Variants in PHF12 observed in about 807,000 individuals in gnomAD.
PHF12 encodes PHD factor 1.
Under a neutral mutation model 99.8 loss-of-function variants are expected in PHF12, and 6 were observed. The ratio of observed to expected loss-of-function variants is 0.06; its 90% CI spans 0.03 to 0.12. The LOEUF (loss-of-function observed/expected upper bound fraction) is 0.12. Ranked by LOEUF, PHF12 falls within the 10% of genes least tolerant of loss-of-function variation. PHF12 has a pLI of 1.00. For synonymous variants in PHF12, 480 were observed against 514.9 expected, an observed-to-expected ratio of 0.93 and a Z score of 0.92; for missense variants, 954 against 1,300.1, an observed-to-expected ratio of 0.73 and a Z score of 4.09.
Position 28,921,942 on chromosome 17 carries a change from C to T in PHF12, c.716-134G>A. The T allele has an allele frequency of 4.1e-6, 5 of 1,209,510 alleles. No individual in the cohort carries two copies. In the South Asian group the frequency reaches 8.3e-5, roughly 20 times the overall value. 74.9% of individuals were successfully genotyped at this position (1,209,510 alleles called of 1,614,324 possible). On this transcript the variant is annotated intron_variant, in intron 4 of 14. Coordinates refer to ENST00000332830, the MANE Select transcript of PHF12 (RefSeq NM_001033561.2). ...CCTAAGCATGAATTGCTCTCTGAGG[C>T]CCCTGGGGTTGATTTTAAGTTAGAA...
chr17:28,950,420 A>T lies in PHF12; in HGVS notation c.67-174T>A. ...CCGGAACCAGGGGGAGCCCACCCTAACCGCGTTCCTGCAGCACAACAACGA... is the reference window on the plus strand; with the variant it reads ...CCGGAACCAGGGGGAGCCCACCCTATCCGCGTTCCTGCAGCACAACAACGA... On this transcript the variant is annotated intron_variant, in intron 1 of 14. Transcript: ENST00000332830. This position sits in a 1 kb window ranked among gnomAD's most constrained non-coding sequence, Gnocchi z 5.7. 1 of 631,418 alleles carries T rather than the reference A, an allele frequency of 1.6e-6. No individual in the cohort carries two copies. The highest frequency in any genetic ancestry group is 2.9e-5 in the East Asian group (1 of 34,196). The allele number at this position is 631,418 out of a possible 1,614,324, so 39.1% of individuals were successfully genotyped here. A position where few individuals can be genotyped will look rare whatever the true frequency, so the allele number is the denominator to read the frequency against.
At chr17:28,914,779 G>T (rs2040033871) in intron 7 of PHF12, among the ~76,000 whole-genome samples, 1 of 146,684 alleles carries the variant, frequency 6.8e-6, no homozygotes. Flanking sequence ...CATGACTCAT[G>T]AAACAACTAA....
chr17:28,906,771 G>A lies in PHF12; in HGVS notation c.2680+85C>T. The A allele has an allele frequency of 2.0e-6, 3 of 1,503,858 alleles. No individual in the cohort carries two copies. The South Asian group carries it at 3.9e-5, about 19-fold the overall frequency. The allele number at this position is 1,503,858 out of a possible 1,614,324, so 93.2% of individuals were successfully genotyped here. A position where few individuals can be genotyped will look rare whatever the true frequency, so the allele number is the denominator to read the frequency against. On this transcript the variant is annotated intron_variant, in intron 14 of 14. Transcript: ENST00000332830. The surrounding 1 kb of genome is among the most constrained non-coding windows in gnomAD (Gnocchi z 4.2). ...GAGCTTGGCCAATAGGACTGGGAAG[G>A]CAAGAGACAGACCATGGGCAGCAAG...
intron 2 of PHF12, among the ~76,000 whole-genome samples, chr17:28,937,573 AC>A (rs1286748690): frequency 6.6e-6 from 1 of 152,196 alleles, no homozygotes; most frequent in Non-Finnish European, 1.5e-5. Flanking sequence ...ATCCTTTTAA[AC>A]TGGCTGACTG....
intron 2 of PHF12, among the ~76,000 whole-genome samples, chr17:28,945,600 A>G (rs2040707265): frequency 6.6e-6 from 1 of 152,200 alleles, no homozygotes; most frequent in South Asian, 2.1e-4. Context: ...TAAGAAGGTA[A>G]TCACAGGAAA....
Position 28,921,899 on chromosome 17 carries a change from CT to C in PHF12, c.716-92del, listed in dbSNP as rs1383466762. On this transcript the variant is annotated intron_variant, in intron 4 of 14. Transcript: ENST00000332830. ...ACAACATTAAGTGACAAAAACAGAT[CT>C]TAAGCATGTGTCATGGCCTAAGCAT... 31 of 1,554,038 alleles carry C rather than the reference CT, an allele frequency of 2.0e-5. No homozygotes were observed. In the African/African-American group the frequency reaches 4.1e-4, roughly 21 times the overall value.
At chr17:28,907,076 G>T in intron 13 of PHF12, 82 bp from the exon 14 acceptor site, 1 of 1,460,648 alleles carries the variant, frequency 6.8e-7, no homozygotes, top group Non-Finnish European at 9.3e-7. Flanking sequence ...TATGGAGAAG[G>T]CCGTGCTACT....
chr17:28,938,830 C>T (rs1284043154), intron 2 of PHF12, among the ~76,000 whole-genome samples: 1 of 152,156 alleles, frequency 6.6e-6, no homozygotes, highest in Non-Finnish European at 1.5e-5. Context: ...CTTCCAAAGC[C>T]TTCCAGTTAT....
chr17:28,923,623 A>G (rs1567959648), intron 4 of PHF12, among the ~76,000 whole-genome samples: 1 of 136,438 alleles, frequency 7.3e-6, no homozygotes, highest in Non-Finnish European at 1.5e-5. Context: ...GTGCCACTGC[A>G]CTCTAGCCTG....
Position 28,910,386 on chromosome 17 carries a change from A to G in PHF12, c.2216-17T>C, listed in dbSNP as rs2039937419. 2 of 1,599,248 alleles carry G rather than the reference A, an allele frequency of 1.3e-6. No individual in the cohort carries two copies. Among genetic ancestry groups the G allele is most frequent in the Non-Finnish European group, 1.7e-6 (2 of 1,170,414 alleles). ...TCTCGATTTCTATTAGCCAAAGAGAAAGATTAAAAAGCAGCTGAGATGGGA... is the reference window on the plus strand; with the variant it reads ...TCTCGATTTCTATTAGCCAAAGAGAGAGATTAAAAAGCAGCTGAGATGGGA... On this transcript the variant is annotated splice_polypyrimidine_tract_variant and intron_variant, in intron 10 of 14. Coordinates refer to ENST00000332830, the MANE Select transcript of PHF12 (RefSeq NM_001033561.2).
chr17:28,925,672 T>C (rs1333077421), intron 3 of PHF12: 1 of 152,206 alleles, frequency 6.6e-6, no homozygotes, highest in Non-Finnish European at 1.5e-5. Flanking sequence ...GGTTCAAACA[T>C]TGGTTCTGTC....
chr17:28,911,005 T>C (rs1156404046), intron 10 of PHF12, 107 bp downstream of exon 10: 3 of 1,497,094 alleles, frequency 2.0e-6, no homozygotes, highest in Admixed American at 3.8e-5. Flanking sequence ...CCTAGGCCTC[T>C]GGGATCAGGT....
chr17:28,909,999 A>G (rs755559292), intron 11 of PHF12: 2 of 693,476 alleles, frequency 2.9e-6, no homozygotes, highest in African/African-American at 1.8e-5. Context: ...GGACTTATAT[A>G]TGAAAGAAAG....
chr17:28,934,468 A>G (rs1016842220), intron 2 of PHF12, among the ~76,000 whole-genome samples: 1 of 152,216 alleles, frequency 6.6e-6, no homozygotes, highest in Non-Finnish European at 1.5e-5. Context: ...TTTCAGAAGC[A>G]GGTATATTTC....
chr17:28,951,138 GTCC>G lies in PHF12; in HGVS notation c.-181_-179del. The G allele has an allele frequency of 7.0e-7, 1 of 1,432,652 alleles. No individual in the cohort carries two copies. Among genetic ancestry groups the G allele is most frequent in the East Asian group, 2.5e-5 (1 of 39,238 alleles). 88.7% of individuals were successfully genotyped at this position (1,432,652 alleles called of 1,614,324 possible). On this transcript the variant is annotated 5_prime_UTR_variant, in exon 1 of 15. Transcript: ENST00000332830. ...GGCCCCCAGTCCCCGGGACGACAGC[GTCC>G]TCCCGACGGGCCGCGAGGGGGGAGC...
At position 28,907,606 on chromosome 17, in the gene PHF12, C is replaced by T. The variant is rs1431914474; in HGVS notation, c.2525G>A (p.Cys842Tyr). 1 of 1,613,794 alleles carries T rather than the reference C, an allele frequency of 6.2e-7. No individual in the cohort carries two copies. Among genetic ancestry groups the T allele is most frequent in the Non-Finnish European group, 8.5e-7 (1 of 1,179,888 alleles). The change falls in exon 13 of 15, where the codon TGC (cysteine) becomes TAC (tyrosine). Residue 842 changes from cysteine (C) to tyrosine (Y), a missense_variant. By Grantham distance (194) the Cys-to-Tyr change is radical. Coordinates refer to ENST00000332830, the MANE Select transcript of PHF12 (RefSeq NM_001033561.2). ...GGCCCTCACCTCATCGTAGAATATG[C>T]AGGCATGTTTCCCGGACACGTAGTT... ...HCNYVSGKHA[C>Y]IFYDENTKHY...
chr17:28,907,835 A>C (rs534899415), intron 12 of PHF12, 163 bp from the exon 13 acceptor site: 1 of 553,400 alleles, frequency 1.8e-6, no homozygotes, highest in Middle Eastern at 3.8e-4. Flanking sequence ...TTGAACAAAA[A>C]CTGTTGTCTT....
intron 7 of PHF12, 106 bp from the exon 8 acceptor site, chr17:28,914,143 A>ACCAT (rs2040019225): frequency 7.9e-7 from 1 of 1,264,216 alleles, no homozygotes; most frequent in Non-Finnish European, 1.1e-6. Flanking sequence ...TGCTCAAGGG[A>ACCAT]CCATCCACTC....
chr17:28,923,653 CAAAAAAAAAA>C (rs35263191), intron 4 of PHF12, among the ~76,000 whole-genome samples: 2 of 43,488 alleles, frequency 4.6e-5, no homozygotes, highest in African/African-American at 9.6e-5. Context: ...GTGAGACTCA[CAAAAAAAAAA>C]AAAAAAAAAA....
Sources: gnomAD v4.1 joint callset for allele counts (sites outside exome capture counted in the v4.1 genomes callset) on GRCh38, gnomAD v4.1.1 for gene constraint, Gnocchi (gnomAD v3.1) non-coding constraint, MANE v1.5 for transcripts, NCBI Gene and HGNC (gene_info 2026-07-23, HGNC 2026-07-21) for gene names.